MOB3B: variants seen among roughly 807,000 people sequenced by gnomAD.
MOB3B encodes the protein MOB kinase activator-like 2B.
MOB3B carries 7 observed loss-of-function variants against 18.7 expected under a neutral mutation model. The ratio of observed to expected loss-of-function variants is 0.37; its 90% confidence interval spans 0.21 to 0.70. MOB3B has a LOEUF of 0.70. MOB3B is among the 30% of genes least tolerant of loss of function. The pLI is 0.52. For synonymous variants in MOB3B, 111 were observed against 99.9 expected (o/e 1.11, Z -0.66); for missense variants, 253 against 281.3 (o/e 0.90, Z 0.72).
At chr9:27,473,525 T>C (rs1010846856) in intron 1 of MOB3B, among the ~76,000 whole-genome samples, 24 of 151,798 alleles carry the variant, frequency 1.6e-4, no homozygotes, top group African/African-American at 5.8e-4. Flanking sequence ...GCTAAACTAA[T>C]CCACATCAAG....
chr9:27,445,778 G>A (rs1324431241), intron 2 of MOB3B, among the ~76,000 whole-genome samples: 14 of 152,110 alleles, frequency 9.2e-5, no homozygotes, highest in Non-Finnish European at 4.4e-5. Context: ...CCACTGTGCT[G>A]TCACATCAGG....
chr9:27,507,427 G>T (rs1282495715), intron 1 of MOB3B, among the ~76,000 whole-genome samples: 1 of 152,120 alleles, frequency 6.6e-6, no homozygotes. Flanking sequence ...ACGGTACTTT[G>T]CATCCCTTAC....
chr9:27,426,519 T>C (rs1385034431), intron 2 of MOB3B, among the ~76,000 whole-genome samples: 2 of 152,170 alleles, frequency 1.3e-5, no homozygotes, highest in Admixed American at 6.5e-5. Flanking sequence ...AATCTTTTGT[T>C]TGGGCACACA....
chr9:27,529,666 T>C lies in MOB3B; in HGVS notation c.-310A>G. The C allele has an allele frequency of 1.0e-6, 1 of 985,342 alleles. No homozygotes were observed. Among genetic ancestry groups the C allele is most frequent in the Non-Finnish European group, 1.2e-6 (1 of 829,900 alleles). The allele number at this position is 985,342 out of a possible 1,614,324, so 61.0% of individuals were successfully genotyped here. On this transcript the variant is annotated 5_prime_UTR_variant, in exon 1 of 4. Coordinates refer to ENST00000262244, the MANE Select transcript of MOB3B (RefSeq NM_024761.5). Reference sequence around the variant, plus strand: ...GGGCAGGTGGGGCGTCGCTTGCCAATCCACGCAAGGGACTCTGCCGCCGGT... The same window carrying C: ...GGGCAGGTGGGGCGTCGCTTGCCAACCCACGCAAGGGACTCTGCCGCCGGT...
At chr9:27,346,501 G>A (rs904819755) in intron 3 of MOB3B, among the ~76,000 whole-genome samples, 10 of 152,078 alleles carry the variant, frequency 6.6e-5, no homozygotes, top group African/African-American at 1.9e-4. Flanking sequence ...ATTGAATGAC[G>A]TAACACATAA....
intron 2 of MOB3B, among the ~76,000 whole-genome samples, chr9:27,359,867 T>C (rs1433756184): frequency 6.6e-6 from 1 of 152,178 alleles, no homozygotes; most frequent in African/African-American, 2.4e-5. Context: ...AAGCAACAAA[T>C]TGCAGGATCG....
At chr9:27,450,813 T>C (rs1822772416) in intron 2 of MOB3B, among the ~76,000 whole-genome samples, 1 of 152,210 alleles carries the variant, frequency 6.6e-6, no homozygotes, top group African/African-American at 2.4e-5. Flanking sequence ...GCATCTTCAC[T>C]GGTAAAATGA....
intron 2 of MOB3B, among the ~76,000 whole-genome samples, chr9:27,388,388 A>C (rs1474645733): frequency 6.6e-6 from 1 of 152,172 alleles, no homozygotes; most frequent in Non-Finnish European, 1.5e-5. Flanking sequence ...ATTAGCACTG[A>C]CCAGGGGGTT....
intron 1 of MOB3B, among the ~76,000 whole-genome samples, chr9:27,512,237 T>A (rs1820158457): frequency 6.6e-6 from 1 of 152,156 alleles, no homozygotes; most frequent in Non-Finnish European, 1.5e-5. Flanking sequence ...AATGCTTCTA[T>A]CATGTTTAGG....
At chr9:27,370,732 C>G (rs1821404231) in intron 2 of MOB3B, among the ~76,000 whole-genome samples, 1 of 152,128 alleles carries the variant, frequency 6.6e-6, no homozygotes, top group Admixed American at 6.6e-5. Context: ...TTTGTTGTAG[C>G]AGCTTGAATG....
intron 2 of MOB3B, among the ~76,000 whole-genome samples, chr9:27,432,200 C>A (rs1056210252): frequency 1.6e-4 from 24 of 152,098 alleles, no homozygotes; most frequent in African/African-American, 4.6e-4. Context: ...TTCCATAAAA[C>A]CTATTTTGAT....
intron 3 of MOB3B, among the ~76,000 whole-genome samples, chr9:27,348,667 A>AAAAG (rs574426649): frequency 1.5e-3 from 226 of 152,194 alleles, no homozygotes; most frequent in African/African-American, 5.0e-3. Flanking sequence ...TAAAAAAAAA[A>AAAAG]AAAGAAAGAA....
At chr9:27,353,434 T>G (rs1353511206) in intron 3 of MOB3B, among the ~76,000 whole-genome samples, 1 of 152,180 alleles carries the variant, frequency 6.6e-6, no homozygotes, top group African/African-American at 2.4e-5. Flanking sequence ...GATGCACGTG[T>G]GTGTGTGTGG....
At chr9:27,359,381 G>GGT (rs1554645308) in intron 2 of MOB3B, 145 bp from the exon 3 acceptor site, 7 of 560,130 alleles carry the variant, frequency 1.2e-5, no homozygotes, top group African/African-American at 9.8e-5. Context: ...GTGTGTGTGG[G>GGT]GGGGGGGGGT....
chr9:27,431,090 G>A (rs1445940088), intron 2 of MOB3B, among the ~76,000 whole-genome samples: 1 of 152,108 alleles, frequency 6.6e-6, no homozygotes, highest in Non-Finnish European at 1.5e-5. Context: ...TCTGTATTGG[G>A]AAAAATTCAA....
At chr9:27,462,623 G>T (rs774103012) in intron 1 of MOB3B, among the ~76,000 whole-genome samples, 16 of 152,176 alleles carry the variant, frequency 1.1e-4, no homozygotes, top group Non-Finnish European at 2.1e-4. Flanking sequence ...GTCATTGTCA[G>T]TTACCCTTTC....
At chr9:27,390,190 C>A (rs184751324) in intron 2 of MOB3B, among the ~76,000 whole-genome samples, 1 of 152,130 alleles carries the variant, frequency 6.6e-6, no homozygotes, top group East Asian at 1.9e-4. Flanking sequence ...CAAGTTCAAG[C>A]GTTTCTCTTG....
At chr9:27,392,017 A>ATCAG (rs1821734673) in intron 2 of MOB3B, among the ~76,000 whole-genome samples, 1 of 152,222 alleles carries the variant, frequency 6.6e-6, no homozygotes, top group African/African-American at 2.4e-5. Context: ...ATAATTTCAT[A>ATCAG]TCAGATTCAA....
intron 3 of MOB3B, among the ~76,000 whole-genome samples, chr9:27,339,288 T>C (rs555243977): frequency 6.6e-6 from 1 of 152,316 alleles, no homozygotes; most frequent in Admixed American, 6.5e-5. Context: ...TGTAACGTTG[T>C]TGTGTCTGTT....
Sources: allele counts gnomAD v4.1 joint callset (sites outside exome capture counted in the v4.1 genomes callset), GRCh38; gene constraint gnomAD v4.1.1; transcripts MANE v1.5; gene names NCBI Gene and HGNC (gene_info 2026-07-23, HGNC 2026-07-21).